The following RNLS variants were observed in gnomAD, a reference collection of about 807,000 sequenced individuals.
RNLS encodes renalase.
A neutral mutation model predicts 39.8 loss-of-function variants in RNLS; 39 were observed. The observed-to-expected ratio is 0.98, with a 90% CI of 0.76 to 1.28. RNLS has a LOEUF of 1.28. Among genes scored for constraint, RNLS ranks in the 50% most tolerant of loss-of-function variants. The pLI is 0.00. For missense variants in RNLS, 410 were observed against 413.3 expected, an observed-to-expected ratio of 0.99 and a Z score of 0.07; for synonymous variants, 147 against 150.7, an observed-to-expected ratio of 0.98 and a Z score of 0.18.
intron 4 of RNLS, among the ~76,000 whole-genome samples, chr10:88,537,286 T>C (rs1228441146): frequency 1.3e-5 from 2 of 152,224 alleles, no homozygotes; most frequent in Admixed American, 6.6e-5. Context: ...TCAGAAGTTA[T>C]TGAGTTATAT....
chr10:88,306,662 A>T (rs574899643), intron 6 of RNLS, among the ~76,000 whole-genome samples: 4 of 152,254 alleles, frequency 2.6e-5, no homozygotes, highest in Admixed American at 2.6e-4. Flanking sequence ...ACCAATAATA[A>T]GCTCTGAAGT....
At chr10:88,171,640 G>A in the RNLS span, among the ~76,000 whole-genome samples, 1 of 152,118 alleles carries the variant, frequency 6.6e-6, no homozygotes, top group African/African-American at 2.4e-5. Context: ...TATAATCAGG[G>A]TAATTTACAT....
chr10:88,453,659 T>C (rs1842470490), intron 4 of RNLS, among the ~76,000 whole-genome samples: 1 of 152,246 alleles, frequency 6.6e-6, no homozygotes, highest in Non-Finnish European at 1.5e-5. Context: ...TGGAGAAATT[T>C]GCTCCTTATT....
chr10:88,560,952 AC>A (rs1849150396), intron 4 of RNLS, among the ~76,000 whole-genome samples: 1 of 151,520 alleles, frequency 6.6e-6, no homozygotes, highest in Non-Finnish European at 1.5e-5. Flanking sequence ...ACACACACAC[AC>A]ACACACACAC....
At chr10:88,333,212 A>G (rs1847242127) in intron 5 of RNLS, among the ~76,000 whole-genome samples, 1 of 152,212 alleles carries the variant, frequency 6.6e-6, no homozygotes, top group Non-Finnish European at 1.5e-5. Context: ...GGTCCCTGAT[A>G]TGGTTATGTA....
At chr10:88,309,257 G>T (rs192238815) in intron 6 of RNLS, 3 of 223,012 alleles carry the variant, frequency 1.3e-5, no homozygotes, top group Non-Finnish European at 2.3e-5. Flanking sequence ...AAACCTGCAC[G>T]CGTACCCCTG....
Position 88,549,732 on chromosome 10 carries a change from G to A in RNLS, c.526+23171C>T, listed in dbSNP as rs563193879. ...TAATTTACACTATCAGCAAATGCTT[G>A]GTGCTAAAAGAAATCTGCAACATCA... On this transcript the variant is annotated intron_variant, in intron 4 of 6. Coordinates refer to ENST00000331772, the MANE Select transcript of RNLS (RefSeq NM_001031709.3). Among the ~76,000 whole-genome samples, 68 of 152,244 alleles carry A rather than the reference G, an allele frequency of 4.5e-4. 2 individuals are homozygous for A. In the South Asian group the frequency reaches 0.011, roughly 25 times the overall value.
chr10:88,480,529 C>A (rs1369611041), intron 4 of RNLS, among the ~76,000 whole-genome samples: 1 of 152,232 alleles, frequency 6.6e-6, no homozygotes, highest in East Asian at 1.9e-4. Context: ...TCAAGCGATT[C>A]TCCTGCCTCA....
intron 6 of RNLS, among the ~76,000 whole-genome samples, chr10:88,299,137 C>G (rs1458330818): frequency 7.9e-5 from 12 of 152,032 alleles, no homozygotes. Context: ...TGTGAGAGTT[C>G]TTTGCATATT....
chr10:88,176,388 A>G, the RNLS span, among the ~76,000 whole-genome samples: 2 of 152,014 alleles, frequency 1.3e-5, no homozygotes, highest in Non-Finnish European at 2.9e-5. Flanking sequence ...TTTGGCCAGC[A>G]TGGTCTTGAT....
At chr10:88,226,724 T>A in the RNLS span, among the ~76,000 whole-genome samples, 1 of 145,278 alleles carries the variant, frequency 6.9e-6, no homozygotes, top group African/African-American at 2.6e-5. Flanking sequence ...TGAATTAAAA[T>A]TCTTCTCCCT....
intron 4 of RNLS, among the ~76,000 whole-genome samples, chr10:88,568,675 C>T (rs59043310): frequency 0.013 from 2,022 of 152,060 alleles, 48 homozygotes; most frequent in African/African-American, 0.045. Context: ...AATCAATATA[C>T]GCAAAGCAAA....
At chr10:88,440,115 A>T (rs774076909) in intron 4 of RNLS, among the ~76,000 whole-genome samples, 21 of 152,174 alleles carry the variant, frequency 1.4e-4, no homozygotes, top group Non-Finnish European at 1.6e-4. Flanking sequence ...TTATGTGATA[A>T]ATGTTTGTTG....
chr10:88,288,872 CATGTA>C (rs2132640809), intron 6 of RNLS, among the ~76,000 whole-genome samples: 1 of 152,290 alleles, frequency 6.6e-6, no homozygotes, highest in South Asian at 2.1e-4. Flanking sequence ...CTCCTTCACC[CATGTA>C]AAGTAAGAGC....
chr10:88,277,985 T>A (rs1244644736), intron 6 of RNLS, among the ~76,000 whole-genome samples: 2 of 152,234 alleles, frequency 1.3e-5, no homozygotes, highest in Non-Finnish European at 2.9e-5. Flanking sequence ...ATTTTCAGCA[T>A]CTGTTGAAAT....
rs564089752 is a variant in RNLS, at chr10:88,445,629, C to A, written c.527-82904G>T. ...AAGGGATGGAGGAAGATCTACCAAG[C>A]AAATGGAAAACAAAAAAAGGCAGGG... On this transcript the variant is annotated intron_variant, in intron 4 of 6. Transcript: ENST00000331772. Among the ~76,000 whole-genome samples, 13 of 152,058 alleles carry A rather than the reference C, an allele frequency of 8.5e-5. No homozygotes were observed. The South Asian group carries it at 2.1e-3, about 24-fold the overall frequency.
chr10:88,274,911 A>T (rs113106989), exon 7 of RNLS: 4 of 870,014 alleles, frequency 4.6e-6, no homozygotes, highest in Non-Finnish European at 6.7e-6. Context: ...TGGTATCCTT[A>T]AAAAAAAAAA....
intron 5 of RNLS, among the ~76,000 whole-genome samples, chr10:88,327,783 A>ATTTTC (rs2133138418): frequency 1.3e-5 from 2 of 152,302 alleles, no homozygotes; most frequent in Admixed American, 6.5e-5. Context: ...TTTGTATTTT[A>ATTTTC]GTAGAGACGG....
the RNLS span, among the ~76,000 whole-genome samples, chr10:88,202,732 C>T: frequency 6.6e-6 from 1 of 152,200 alleles, no homozygotes; most frequent in Non-Finnish European, 1.5e-5. Flanking sequence ...CAGCAGGATT[C>T]GGGCAGGTTC....
Sources: allele counts gnomAD v4.1 joint callset (sites outside exome capture counted in the v4.1 genomes callset), GRCh38; gene constraint gnomAD v4.1.1; transcripts MANE v1.5; gene names NCBI Gene and HGNC (gene_info 2026-07-23, HGNC 2026-07-21).